The following FSTL1 variants were observed in gnomAD, a reference collection of about 807,000 sequenced individuals.
FSTL1 encodes follistatin-related protein 1.
A neutral mutation model predicts 45.9 loss-of-function variants in FSTL1; 24 were observed. The ratio of observed to expected loss-of-function variants is 0.52; its 90% CI spans 0.38 to 0.74. FSTL1 has a LOEUF of 0.74. Ranked by LOEUF, FSTL1 falls within the 30% of genes least tolerant of loss-of-function variation. FSTL1 has a pLI of 0.00. For missense variants in FSTL1, 340 were observed against 381.8 expected (o/e 0.89, Z 0.91); for synonymous variants, 120 against 137.6 (o/e 0.87, Z 0.89).
At chr3:120,443,964 C>T (rs1461558284) in intron 2 of FSTL1, among the ~76,000 whole-genome samples, 3 of 150,034 alleles carry the variant, frequency 2.0e-5, no homozygotes, top group African/African-American at 7.6e-5. Context: ...TCTATGACAG[C>T]AGCAGCTCTT....
chr3:120,434,636 A>G (rs1937522580), intron 2 of FSTL1, among the ~76,000 whole-genome samples: 1 of 152,174 alleles, frequency 6.6e-6, no homozygotes, highest in South Asian at 2.1e-4. Context: ...AAAACTCTGG[A>G]ACATCCTCTA....
At position 120,409,571 on chromosome 3, in the gene FSTL1, T is replaced by G. The variant is rs775869850; in HGVS notation, c.423A>C (p.Lys141Asn). The stretch of plus-strand genomic sequence containing the variant: ...CTAGGATTTCACTGTAGTTGCTGCC[T>G]TTAGAGAACCAGCCATCTGGAATGA... ...AEIIPDGWFS[K>N]GSNYSEILDK... is the part of the protein sequence containing the mutation. Residue 141 changes from lysine to asparagine, a missense_variant, in exon 6 of 11, where the codon AAA becomes AAC. By Grantham distance (94) the Lys-to-Asn change is moderately conservative. Coordinates refer to ENST00000295633, the MANE Select transcript of FSTL1 (RefSeq NM_007085.5). The G allele has an allele frequency of 6.2e-7, 1 of 1,614,006 alleles. No individual in the cohort carries two copies. Among genetic ancestry groups the G allele is most frequent in the Non-Finnish European group, 8.5e-7 (1 of 1,179,832 alleles).
At chr3:120,446,165 C>A (rs1298824675) in intron 2 of FSTL1, among the ~76,000 whole-genome samples, 2 of 152,214 alleles carry the variant, frequency 1.3e-5, no homozygotes, top group Non-Finnish European at 2.9e-5. Context: ...ATTTTCAATT[C>A]TCATATGTGA....
At chr3:120,448,904 T>G (rs970422458) in intron 2 of FSTL1, among the ~76,000 whole-genome samples, 5 of 152,174 alleles carry the variant, frequency 3.3e-5, no homozygotes, top group African/African-American at 1.2e-4. Flanking sequence ...CACCTCATAT[T>G]TGCATTCCAG....
intron 8 of FSTL1, 132 bp downstream of exon 8, chr3:120,403,110 T>A: frequency 1.4e-6 from 1 of 713,032 alleles, no homozygotes; most frequent in Non-Finnish European, 2.5e-6. Flanking sequence ...GAGAATGGGC[T>A]GGGGCCCAGT....
intron 2 of FSTL1, among the ~76,000 whole-genome samples, chr3:120,439,161 G>A (rs889738140): frequency 9.2e-5 from 14 of 152,268 alleles, no homozygotes; most frequent in African/African-American, 3.4e-4. Flanking sequence ...AAGCCTGCTC[G>A]GGTTTTGCTC....
At chr3:120,412,748 A>T (rs1181616270) in intron 3 of FSTL1, among the ~76,000 whole-genome samples, 1 of 152,112 alleles carries the variant, frequency 6.6e-6, no homozygotes, top group African/African-American at 2.4e-5. Context: ...ATTCAATGAC[A>T]CAAAACAGCC....
intron 2 of FSTL1, among the ~76,000 whole-genome samples, chr3:120,426,726 G>C (rs1403955590): frequency 6.6e-6 from 1 of 152,214 alleles, no homozygotes; most frequent in Non-Finnish European, 1.5e-5. Context: ...CTGGCACTGA[G>C]TTGGATGCCC....
At chr3:120,447,492 T>G (rs1937781949) in intron 2 of FSTL1, among the ~76,000 whole-genome samples, 1 of 152,156 alleles carries the variant, frequency 6.6e-6, no homozygotes, top group Non-Finnish European at 1.5e-5. Flanking sequence ...TGGCAGAATC[T>G]GGAGGGAGGC....
At chr3:120,403,059 C>T (rs1936858677) in intron 8 of FSTL1, 141 bp from the exon 9 acceptor site, 1 of 720,098 alleles carries the variant, frequency 1.4e-6, no homozygotes, top group Admixed American at 2.1e-5. Context: ...GCAAACACTA[C>T]CATCAACCTA....
At chr3:120,397,677 G>C (rs1936729797) in intron 10 of FSTL1, among the ~76,000 whole-genome samples, 1 of 152,190 alleles carries the variant, frequency 6.6e-6, no homozygotes, top group African/African-American at 2.4e-5. Flanking sequence ...TGGTGCAGTA[G>C]CTTTGGAAAC....
chr3:120,431,602 T>A (rs968428213), intron 2 of FSTL1, among the ~76,000 whole-genome samples: 3 of 152,016 alleles, frequency 2.0e-5, no homozygotes, highest in African/African-American at 7.2e-5. Context: ...GCGAGACGAT[T>A]CCTTGAGGCC....
At chr3:120,432,193 GCTA>G (rs1264995163) in intron 2 of FSTL1, among the ~76,000 whole-genome samples, 1 of 152,124 alleles carries the variant, frequency 6.6e-6, no homozygotes, top group Admixed American at 6.5e-5. Context: ...TGGCTTGACT[GCTA>G]CACTCTCTTA....
intron 2 of FSTL1, among the ~76,000 whole-genome samples, chr3:120,448,463 A>T (rs1937808142): frequency 6.6e-6 from 1 of 152,228 alleles, no homozygotes; most frequent in Non-Finnish European, 1.5e-5. Flanking sequence ...ATTATTATTA[A>T]ATGGATTAAA....
At position 120,428,750 on chromosome 3, in the gene FSTL1, G is replaced by GCAACAACAA. The variant is rs71156800; in HGVS notation, c.64-12732_64-12724dup. On this transcript the variant is annotated intron_variant, in intron 2 of 10. Coordinates refer to ENST00000295633, the MANE Select transcript of FSTL1 (RefSeq NM_007085.5). ...CTCTGTCTCAGACAAAAAACAAACA[G>GCAACAACAA]CAACAACAACAACAACAACAACAAA... Among the ~76,000 whole-genome samples, 173 of 151,050 alleles carry GCAACAACAA rather than the reference G, an allele frequency of 1.1e-3. 1 individual carries two copies. Among genetic ancestry groups the GCAACAACAA allele is most frequent in the Middle Eastern group, 3.4e-3 (1 of 294 alleles).
At chr3:120,401,034 T>C (rs1473602613) in intron 9 of FSTL1, among the ~76,000 whole-genome samples, 1 of 152,260 alleles carries the variant, frequency 6.6e-6, no homozygotes, top group African/African-American at 2.4e-5. Context: ...CAAATGACCA[T>C]GCTTATTCTA....
At chr3:120,399,816 G>T (rs1160136685) in intron 10 of FSTL1, 67 bp downstream of exon 10, 1 of 1,028,860 alleles carries the variant, frequency 9.7e-7, no homozygotes, top group East Asian at 2.5e-5. Context: ...GCACTGGGCA[G>T]TGTTTGAATG....
At chr3:120,418,699 C>G (rs1349676499) in intron 2 of FSTL1, among the ~76,000 whole-genome samples, 1 of 152,156 alleles carries the variant, frequency 6.6e-6, no homozygotes, top group Non-Finnish European at 1.5e-5. Context: ...CACCTCTATT[C>G]CTTACTTGCT....
intron 9 of FSTL1, among the ~76,000 whole-genome samples, chr3:120,400,452 G>A (rs1050610064): frequency 4.6e-5 from 7 of 152,122 alleles, no homozygotes; most frequent in African/African-American, 1.7e-4. Context: ...GTGCAGCCAG[G>A]GTTGACAACC....
Sources: allele counts gnomAD v4.1 joint callset (sites outside exome capture counted in the v4.1 genomes callset), GRCh38; gene constraint gnomAD v4.1.1; transcripts MANE v1.5; gene names NCBI Gene and HGNC (gene_info 2026-07-23, HGNC 2026-07-21).